The following MCF2L2 variants were observed in gnomAD, a reference collection of about 807,000 sequenced individuals.
MCF2L2 encodes probable guanine nucleotide exchange factor MCF2L2.
MCF2L2 carries 102 observed loss-of-function variants against 150.2 expected under a neutral mutation model. That is an observed-to-expected ratio of 0.68 (90% CI 0.58 to 0.80). MCF2L2 has a LOEUF of 0.80. Ranked by LOEUF, MCF2L2 falls within the 30% of genes least tolerant of loss-of-function variation. The pLI, the probability that MCF2L2 is intolerant of heterozygous loss-of-function variation, is 0.00. For missense variants in MCF2L2, 1,256 were observed against 1,372.8 expected (o/e 0.91, Z 1.34); for synonymous variants, 465 against 491.3 (o/e 0.95, Z 0.71).
intron 14 of MCF2L2, among the ~76,000 whole-genome samples, 160 bp from the exon 15 acceptor site, chr3:183,277,117 C>CTG (rs112353096): frequency 0.026 from 3,907 of 152,202 alleles, 175 homozygotes; most frequent in African/African-American, 0.087. Flanking sequence ...CCCAGCCACT[C>CTG]TGGATCCATT....
intron 1 of MCF2L2, among the ~76,000 whole-genome samples, chr3:183,416,438 ATAT>A (rs1209089675): frequency 6.6e-6 from 1 of 152,182 alleles, no homozygotes; most frequent in Non-Finnish European, 1.5e-5. Flanking sequence ...CTTGTTAAAT[ATAT>A]TATATTACTG....
At chr3:183,194,617 G>C (rs1722021453) in intron 26 of MCF2L2, among the ~76,000 whole-genome samples, 1 of 152,124 alleles carries the variant, frequency 6.6e-6, no homozygotes, top group Non-Finnish European at 1.5e-5. Context: ...GCAATTAGGG[G>C]AGGTTTCGAA....
chr3:183,423,087 A>C (rs1165822564), intron 1 of MCF2L2, among the ~76,000 whole-genome samples: 1 of 152,230 alleles, frequency 6.6e-6, no homozygotes, highest in Non-Finnish European at 1.5e-5. Flanking sequence ...AACACTAGGC[A>C]CAGTGTCTAC....
At chr3:183,292,551 G>A (rs1340888348) in intron 13 of MCF2L2, among the ~76,000 whole-genome samples, 1 of 142,056 alleles carries the variant, frequency 7.0e-6, no homozygotes, top group African/African-American at 3.0e-5. Context: ...GAATAAGGGG[G>A]TATGTACACA....
At position 183,267,697 on chromosome 3, in the gene MCF2L2, G is replaced by A. The variant is rs978882040; in HGVS notation, c.1862+9175C>T. Among the ~76,000 whole-genome samples, 7 of 152,220 alleles carry A rather than the reference G, an allele frequency of 4.6e-5. No individual in the cohort carries two copies. The highest frequency in any genetic ancestry group is 1.4e-4 in the African/African-American group (6 of 41,462). On this transcript the variant is annotated intron_variant, in intron 15 of 29. Transcript: ENST00000328913. The surrounding 1 kb of genome is among the most constrained non-coding windows in gnomAD (Gnocchi z 5.5). Reference sequence around the variant, plus strand: ...AGCCTACCTTTCCATCCAAGGAAGTGTTTTACCTGTGGTAAGCACGGGGGA... The same window carrying A: ...AGCCTACCTTTCCATCCAAGGAAGTATTTTACCTGTGGTAAGCACGGGGGA...
Position 183,219,910 on chromosome 3 carries a change from G to A in MCF2L2, c.2316C>T (p.Phe772=), listed in dbSNP as rs200679619. The change falls in exon 21 of 30, where the codon TTC becomes TTT. Residue 772 remains phenylalanine, a synonymous_variant. Transcript: ENST00000328913. ...CTATCTCCATATCTTCAGGAGACTC[G>A]AAATCCAGCAGACCCTGCATTAACC... is the stretch of plus-strand genomic sequence containing the variant. ...YQMLLKGLLD[F]ESPEDMEIDP... is the part of the protein sequence containing the mutation. 4.0e-5 allele frequency: 65 copies of A among 1,613,014 alleles called. No individual in the cohort carries two copies. The East Asian group carries it at 6.2e-4, about 15-fold the overall frequency.
intron 15 of MCF2L2, among the ~76,000 whole-genome samples, chr3:183,259,400 C>T (rs1349414341): frequency 1.3e-5 from 2 of 152,144 alleles, no homozygotes; most frequent in South Asian, 2.1e-4. Flanking sequence ...AATTCTTACT[C>T]TTATTGATAG....
At chr3:183,264,122 A>G (rs1370800424) in intron 15 of MCF2L2, among the ~76,000 whole-genome samples, 1 of 152,112 alleles carries the variant, frequency 6.6e-6, no homozygotes, top group Non-Finnish European at 1.5e-5. Context: ...AATTTCTATG[A>G]CTTCCTGCTG....
intron 1 of MCF2L2, among the ~76,000 whole-genome samples, chr3:183,425,608 T>C (rs1716121468): frequency 6.6e-6 from 1 of 152,074 alleles, no homozygotes; most frequent in Non-Finnish European, 1.5e-5. Flanking sequence ...CGCTCCACCT[T>C]GAGGTCCCCC....
At chr3:183,274,154 G>A (rs1250238658) in intron 15 of MCF2L2, among the ~76,000 whole-genome samples, 2 of 151,828 alleles carry the variant, frequency 1.3e-5, no homozygotes, top group Non-Finnish European at 2.9e-5. Flanking sequence ...AAGGGAGGTT[G>A]CAATGACCTG....
At chr3:183,346,792 G>A (rs552810794) in intron 3 of MCF2L2, among the ~76,000 whole-genome samples, 2 of 152,158 alleles carry the variant, frequency 1.3e-5, no homozygotes, top group African/African-American at 4.8e-5. Context: ...AATCATGAGT[G>A]AATTCCCATT....
At chr3:183,321,717 A>T (rs1476857636) in intron 6 of MCF2L2, among the ~76,000 whole-genome samples, 1 of 152,248 alleles carries the variant, frequency 6.6e-6, no homozygotes, top group Non-Finnish European at 1.5e-5. Flanking sequence ...AAAGGCATGT[A>T]AAGAATATCT....
chr3:183,254,500 G>C (rs1724845778), intron 15 of MCF2L2: 1 of 152,144 alleles, frequency 6.6e-6, no homozygotes, highest in South Asian at 2.1e-4. Flanking sequence ...GCCCAGGTGC[G>C]GCAGGTAGGC....
chr3:183,321,433 G>A (rs1729807924), intron 6 of MCF2L2, among the ~76,000 whole-genome samples: 1 of 115,376 alleles, frequency 8.7e-6, no homozygotes. Flanking sequence ...GCAAGACTCT[G>A]TCTCAAAAAA....
chr3:183,341,419 A>G lies in MCF2L2; in HGVS notation c.366+121T>C, dbSNP rs1577075845. ...GGGATGTGACATAACAGCACCTGTT[A>G]CAAAGACCTTCCCAAAATTTGACAT... On this transcript the variant is annotated intron_variant, in intron 4 of 29. Coordinates refer to ENST00000328913, the MANE Select transcript of MCF2L2 (RefSeq NM_015078.4). 5 of 745,496 alleles carry G rather than the reference A, an allele frequency of 6.7e-6. No individual in the cohort carries two copies. In the East Asian group the frequency reaches 1.3e-4, roughly 20 times the overall value. 46.2% of individuals were successfully genotyped at this position (745,496 alleles called of 1,614,324 possible).
At chr3:183,230,482 C>CT (rs1393744512) in intron 16 of MCF2L2, among the ~76,000 whole-genome samples, 7 of 152,134 alleles carry the variant, frequency 4.6e-5, no homozygotes, top group Non-Finnish European at 7.3e-5. Flanking sequence ...TAAACATTCC[C>CT]TTTTTATGGA....
At chr3:183,349,583 T>C (rs1731032784) in intron 3 of MCF2L2, among the ~76,000 whole-genome samples, 1 of 152,262 alleles carries the variant, frequency 6.6e-6, no homozygotes, top group Non-Finnish European at 1.5e-5. Context: ...TCATTCTAGA[T>C]AGTCATAGCT....
chr3:183,244,806 T>C (rs1289538997), intron 15 of MCF2L2, among the ~76,000 whole-genome samples: 1 of 152,098 alleles, frequency 6.6e-6, no homozygotes, highest in African/African-American at 2.4e-5. Flanking sequence ...TTGCCCAAGG[T>C]CTATGGCTTT....
intron 15 of MCF2L2, among the ~76,000 whole-genome samples, chr3:183,260,137 C>T (rs1030840019): frequency 6.6e-6 from 1 of 152,036 alleles, no homozygotes; most frequent in Admixed American, 6.6e-5. Context: ...GCCACAGGGT[C>T]TGGAATTTGT....
Sources: gnomAD v4.1 joint callset for allele counts (sites outside exome capture counted in the v4.1 genomes callset) on GRCh38, gnomAD v4.1.1 for gene constraint, Gnocchi (gnomAD v3.1) non-coding constraint, MANE v1.5 for transcripts, NCBI Gene and HGNC (gene_info 2026-07-23, HGNC 2026-07-21) for gene names.